NLRP11: variants seen among roughly 807,000 people sequenced by gnomAD.
The protein encoded by NLRP11 is NLR family pyrin domain containing 11.
Under a neutral mutation model 79.3 loss-of-function variants are expected in NLRP11, and 53 were observed. That is an observed-to-expected ratio of 0.67 (90% confidence interval 0.54 to 0.84). The LOEUF (loss-of-function observed/expected upper bound fraction) is 0.84, where lower values mean the gene tolerates loss of function less well. Ranked by LOEUF, NLRP11 falls within the 40% of genes least tolerant of loss-of-function variation. The probability of loss-of-function intolerance (pLI) is 0.00; values close to 1 mark genes in which losing one functional copy is unlikely to be tolerated. For synonymous variants in NLRP11, 518 were observed against 462.6 expected (o/e 1.12, Z -1.54); for missense variants, 1,264 against 1,255.0 (o/e 1.01, Z -0.11).
chr19:55,807,256 A>G (rs538791121), intron 4 of NLRP11, among the ~76,000 whole-genome samples: 5 of 152,228 alleles, frequency 3.3e-5, no homozygotes, highest in Non-Finnish European at 5.9e-5. Flanking sequence ...TGTACTGAAT[A>G]TTTTAGTGCC....
intron 4 of NLRP11, among the ~76,000 whole-genome samples, chr19:55,805,288 A>G (rs569380453): frequency 1.4e-4 from 21 of 152,206 alleles, no homozygotes; most frequent in African/African-American, 5.1e-4. Flanking sequence ...AGAGACGGGA[A>G]GGGAAATGTG....
chr19:55,822,057 G>T (rs557620268), intron 1 of NLRP11, among the ~76,000 whole-genome samples: 5 of 152,154 alleles, frequency 3.3e-5, no homozygotes, highest in Admixed American at 6.5e-5. Flanking sequence ...TCAGGAGTCC[G>T]AGACTAGCCG....
chr19:55,801,917 C>T (rs1052429294), intron 4 of NLRP11, among the ~76,000 whole-genome samples, 178 bp from the exon 5 acceptor site: 5 of 152,210 alleles, frequency 3.3e-5, no homozygotes, highest in African/African-American at 1.2e-4. Flanking sequence ...ATTCCAAGGT[C>T]AGCCTGTTGA....
Position 55,798,720 on chromosome 19 carries a change from C to T in NLRP11, c.2172-2470G>A, listed in dbSNP as rs868582784. Reference sequence around the variant, plus strand: ...AAAACTGATATATCAAAAAATAAAGCTATGTTTTGCTTCAAACACACACAC... The same window carrying T: ...AAAACTGATATATCAAAAAATAAAGTTATGTTTTGCTTCAAACACACACAC... On this transcript the variant is annotated intron_variant, in intron 5 of 9. Transcript: ENST00000589093. Among the ~76,000 whole-genome samples, 13 of 143,174 alleles carry T rather than the reference C, an allele frequency of 9.1e-5. No individual in the cohort carries two copies. The Middle Eastern group carries it at 0.011, about 119-fold the overall frequency. 93.9% of individuals were successfully genotyped at this position (143,174 alleles called of 152,430 possible). A position where few individuals can be genotyped will look rare whatever the true frequency, so the allele number is the denominator to read the frequency against.
intron 5 of NLRP11, among the ~76,000 whole-genome samples, chr19:55,797,323 G>T (rs10402767): frequency 1.3e-5 from 2 of 151,810 alleles, no homozygotes; most frequent in African/African-American, 4.8e-5. Flanking sequence ...AAAATAAGTA[G>T]AATAAAAATA....
rs1211992513 is a variant in NLRP11 at position 55,821,203 on chromosome 19, T to TCACACACA, written c.-62-2968_-62-2967insTGTGTGTG. The stretch of plus-strand genomic sequence containing the variant: ...CTATGTGACCAGCTCTCTCTCTCTC[T>TCACACACA]CTCACACACACACACACACACACAC... On this transcript the variant is annotated intron_variant, in intron 1 of 9. Coordinates refer to ENST00000589093, the Ensembl canonical transcript of NLRP11. Among the ~76,000 whole-genome samples the TCACACACA allele has an allele frequency of 2.3e-3, 266 of 113,214 alleles. 1 individual carries two copies. Among genetic ancestry groups the TCACACACA allele is most frequent in the Middle Eastern group, 4.5e-3 (1 of 220 alleles). 74.3% of individuals were successfully genotyped at this position (113,214 alleles called of 152,430 possible). A position where few individuals can be genotyped will look rare whatever the true frequency, so the allele number is the denominator to read the frequency against.
At chr19:55,819,268 T>C (rs1220648848) in intron 1 of NLRP11, among the ~76,000 whole-genome samples, 1 of 151,962 alleles carries the variant, frequency 6.6e-6, no homozygotes, top group East Asian at 1.9e-4. Context: ...CCACACACTG[T>C]AGCCCCTGGC....
At chr19:55,806,278 G>T (rs1342249333) in intron 4 of NLRP11, among the ~76,000 whole-genome samples, 1 of 152,150 alleles carries the variant, frequency 6.6e-6, no homozygotes, top group Non-Finnish European at 1.5e-5. Context: ...TTTACCTTCA[G>T]TTCAGAAACA....
At chr19:55,836,272 C>G (rs892372166), upstream of NLRP11, 7 of 152,132 alleles carry the variant, frequency 4.6e-5, 1 homozygote, top group African/African-American at 1.7e-4. Context: ...TCCAAATGAA[C>G]CATTTTGGAG....
At chr19:55,817,857 T>G in intron 2 of NLRP11, 47 bp downstream of exon 2, 2 of 1,452,792 alleles carry the variant, frequency 1.4e-6, no homozygotes, top group Non-Finnish European at 1.9e-6. Context: ...CCCAGCTTCC[T>G]GTGAAGTGCC....
Position 55,796,791 on chromosome 19 carries a change from C to T in NLRP11, c.2172-541G>A, listed in dbSNP as rs560946617. 1.1e-4 allele frequency among the ~76,000 whole-genome samples: 16 copies of T among 151,812 alleles called. No individual in the cohort carries two copies. In the East Asian group the frequency reaches 1.2e-3, roughly 11 times the overall value. On this transcript the variant is annotated intron_variant, in intron 5 of 9. Transcript: ENST00000589093. ...AACCTCTGCCTCCCGGGTTTTTAAG[C>T]GATTCTCCTGCCTCGGCCTCCCGAG...
At chr19:55,816,913 G>T (rs7255946) in intron 2 of NLRP11, among the ~76,000 whole-genome samples, 33,958 of 152,016 alleles carry the variant, frequency 0.22, 5,798 homozygotes, top group African/African-American at 0.48. Context: ...CTCATGTGAT[G>T]TCCAGTTCTG....
chr19:55,813,491 G>C (rs145473139), intron 2 of NLRP11, among the ~76,000 whole-genome samples: 136 of 152,228 alleles, frequency 8.9e-4, no homozygotes, highest in African/African-American at 3.0e-3. Flanking sequence ...TTTCCACTGG[G>C]AGCAGTCTAT....
exon 2 of NLRP11, chr19:55,818,117 C>T: frequency 6.2e-7 from 1 of 1,613,930 alleles, no homozygotes; most frequent in Non-Finnish European, 8.5e-7. Context: ...AATTCCTTGT[C>T]ACTGAGATTC....
intron 9 of NLRP11, among the ~76,000 whole-genome samples, chr19:55,788,265 C>T (rs539503402): frequency 2.0e-5 from 3 of 151,944 alleles, no homozygotes; most frequent in East Asian, 1.9e-4. Context: ...TTTTGGTCTA[C>T]GTCAAGTATA....
At chr19:55,811,984 C>T (rs1980648934) in intron 2 of NLRP11, among the ~76,000 whole-genome samples, 1 of 151,788 alleles carries the variant, frequency 6.6e-6, no homozygotes, top group Non-Finnish European at 1.5e-5. Context: ...CACACACACA[C>T]ACACACACAC....
intron 5 of NLRP11, chr19:55,798,150 C>T: frequency 6.3e-6 from 1 of 158,272 alleles, no homozygotes; most frequent in Non-Finnish European, 1.4e-5. Context: ...CAGGCATGCG[C>T]CATCATACTT....
At chr19:55,828,662 AG>A (rs1982455268) in intron 1 of NLRP11, among the ~76,000 whole-genome samples, 1 of 152,216 alleles carries the variant, frequency 6.6e-6, no homozygotes. Flanking sequence ...CCTAGATGGA[AG>A]GAAAATGCAA....
chr19:55,832,729 T>A (rs187911761), upstream of NLRP11: 60 of 152,306 alleles, frequency 3.9e-4, no homozygotes, highest in East Asian at 8.5e-3. Flanking sequence ...CTTTGTAAGT[T>A]AGGAAATAAA....
Sources: gnomAD v4.1 joint callset for allele counts (sites outside exome capture counted in the v4.1 genomes callset) on GRCh38, gnomAD v4.1.1 for gene constraint, MANE v1.5 for transcripts, NCBI Gene and HGNC (gene_info 2026-07-23, HGNC 2026-07-21) for gene names.